The following PRKG1 variants were observed in gnomAD, a reference collection of about 807,000 sequenced individuals.
The protein encoded by PRKG1 is protein kinase cGMP-dependent 1.
In PRKG1, 35 loss-of-function variants were observed where a neutral mutation model predicts 88.1. That is an observed-to-expected ratio of 0.40 (90% confidence interval 0.30 to 0.53). The LOEUF is 0.53. Among genes scored for constraint, PRKG1 ranks in the 20% least tolerant of loss-of-function variants. The pLI, the probability that PRKG1 is intolerant of heterozygous loss-of-function variation, is 0.59. For synonymous variants in PRKG1, 303 were observed against 292.5 expected (o/e 1.04, Z -0.37); for missense variants, 540 against 839.8 (o/e 0.64, Z 4.41).
At chr10:51,821,926 A>G (rs1839757004) in intron 4 of PRKG1, among the ~76,000 whole-genome samples, 1 of 152,058 alleles carries the variant, frequency 6.6e-6, no homozygotes, top group East Asian at 1.9e-4. Context: ...TAGAACTACC[A>G]TATGTTCAAG....
chr10:51,424,559 T>G (rs1838519104), intron 2 of PRKG1, among the ~76,000 whole-genome samples: 2 of 152,294 alleles, frequency 1.3e-5, no homozygotes, highest in Admixed American at 6.5e-5. Context: ...TATATCCATG[T>G]GATCATGTTT....
At chr10:51,228,854 G>C (rs935387778) in intron 2 of PRKG1, among the ~76,000 whole-genome samples, 1 of 152,108 alleles carries the variant, frequency 6.6e-6, no homozygotes, top group African/African-American at 2.4e-5. Flanking sequence ...AGCCCTACGT[G>C]GCCTGGATCC....
At chr10:51,050,599 T>C (rs1470760875) in intron 1 of PRKG1, among the ~76,000 whole-genome samples, 1 of 152,234 alleles carries the variant, frequency 6.6e-6, no homozygotes, top group Non-Finnish European at 1.5e-5. Flanking sequence ...TTGGCTATTG[T>C]AAATAATGCT....
At chr10:51,535,132 A>G (rs1842114723) in intron 3 of PRKG1, among the ~76,000 whole-genome samples, 1 of 152,196 alleles carries the variant, frequency 6.6e-6, no homozygotes, top group African/African-American at 2.4e-5. Flanking sequence ...TTATTTAAAC[A>G]AAGTTTAAAC....
chr10:51,319,374 A>G (rs1035001070), intron 2 of PRKG1, among the ~76,000 whole-genome samples: 1 of 152,216 alleles, frequency 6.6e-6, no homozygotes, highest in Non-Finnish European at 1.5e-5. Context: ...AACCAAGAAC[A>G]TAATTCTTTG....
At chr10:51,750,211 C>T (rs767901231) in intron 3 of PRKG1, among the ~76,000 whole-genome samples, 2 of 152,124 alleles carry the variant, frequency 1.3e-5, no homozygotes, top group African/African-American at 2.4e-5. Context: ...GCTGGTATTA[C>T]AGGCATGAGC....
chr10:51,939,684 T>A (rs1189222137), intron 5 of PRKG1, among the ~76,000 whole-genome samples: 1 of 151,934 alleles, frequency 6.6e-6, no homozygotes, highest in African/African-American at 2.4e-5. Context: ...GTAAGTACTT[T>A]AGGGAGTAGA....
intron 2 of PRKG1, among the ~76,000 whole-genome samples, chr10:51,367,595 A>G (rs747390981): frequency 6.6e-6 from 1 of 151,770 alleles, no homozygotes; most frequent in Non-Finnish European, 1.5e-5. Flanking sequence ...TGTCCCCCTT[A>G]TTTTTATACC....
At position 52,034,342 on chromosome 10, in the gene PRKG1, G is replaced by A. The variant is rs1190247678; in HGVS notation, c.763-20142G>A. On this transcript the variant is annotated intron_variant, in intron 5 of 17. Coordinates refer to ENST00000373980, the MANE Select transcript of PRKG1 (RefSeq NM_006258.4). ...AGGGCTGCTTCAAGCGGGATTAGGGGTGACGTGGGAACCTAGAGTGGGAGA... is the reference window on the plus strand; with the variant it reads ...AGGGCTGCTTCAAGCGGGATTAGGGATGACGTGGGAACCTAGAGTGGGAGA... Among the ~76,000 whole-genome samples, 2 of 120,454 alleles carry A rather than the reference G, an allele frequency of 1.7e-5. 1 individual carries two copies. The highest frequency in any genetic ancestry group is 6.5e-4 in the East Asian group (2 of 3,078). 79.0% of individuals were successfully genotyped at this position (120,454 alleles called of 152,430 possible). A position where few individuals can be genotyped will look rare whatever the true frequency, so the allele number is the denominator to read the frequency against.
intron 2 of PRKG1, among the ~76,000 whole-genome samples, chr10:51,405,960 A>G (rs1044306712): frequency 6.6e-6 from 1 of 152,194 alleles, no homozygotes; most frequent in African/African-American, 2.4e-5. Flanking sequence ...AAGACAGGGT[A>G]GCAAGCAGTG....
intron 3 of PRKG1, among the ~76,000 whole-genome samples, chr10:51,678,538 C>T (rs1219530618): frequency 7.2e-5 from 11 of 152,132 alleles, no homozygotes; most frequent in Admixed American, 5.2e-4. Flanking sequence ...CAGTCAGCAT[C>T]GGAATGATTC....
At chr10:51,000,379 A>G (rs896368632) in intron 1 of PRKG1, among the ~76,000 whole-genome samples, 1 of 152,206 alleles carries the variant, frequency 6.6e-6, no homozygotes, top group African/African-American at 2.4e-5. Context: ...TATGTTGCAC[A>G]TGGGAATGTC....
At chr10:51,034,668 T>TTTTTATATATATATA (rs9299454) in intron 1 of PRKG1, among the ~76,000 whole-genome samples, 1 of 68,188 alleles carries the variant, frequency 1.5e-5, no homozygotes, top group Admixed American at 2.0e-4. Context: ...AATATGTTAT[T>TTTTTATATATATATA]TATATATATA....
chr10:52,087,657 A>G (rs1019751364), intron 7 of PRKG1, among the ~76,000 whole-genome samples: 8 of 152,218 alleles, frequency 5.3e-5, no homozygotes, highest in African/African-American at 1.9e-4. Flanking sequence ...ACTGGTTTTA[A>G]CACAAATAAT....
intron 2 of PRKG1, among the ~76,000 whole-genome samples, chr10:51,181,424 G>A (rs183704212): frequency 0.034 from 5,126 of 148,928 alleles, 288 homozygotes; most frequent in African/African-American, 0.12. Flanking sequence ...TGTATTTTTA[G>A]TAGAGACGGG....
chr10:52,029,880 C>A (rs1564437435), intron 5 of PRKG1, among the ~76,000 whole-genome samples: 1 of 151,936 alleles, frequency 6.6e-6, no homozygotes, highest in Non-Finnish European at 1.5e-5. Context: ...GTCTCTCCTG[C>A]AAAAAAAGTA....
chr10:52,271,833 C>G (rs946389059), intron 11 of PRKG1, among the ~76,000 whole-genome samples: 1 of 151,984 alleles, frequency 6.6e-6, no homozygotes, highest in African/African-American at 2.4e-5. Context: ...CTTTAATTAT[C>G]TGAATATTTT....
chr10:51,967,243 G>A (rs1843592079), intron 5 of PRKG1, among the ~76,000 whole-genome samples: 1 of 152,150 alleles, frequency 6.6e-6, no homozygotes, highest in Non-Finnish European at 1.5e-5. Flanking sequence ...AAAAAAGGAT[G>A]AGTTCATGTC....
intron 2 of PRKG1, among the ~76,000 whole-genome samples, chr10:51,232,691 G>T (rs1838877172): frequency 6.6e-6 from 1 of 152,120 alleles, no homozygotes; most frequent in African/African-American, 2.4e-5. Flanking sequence ...AATAGAAGTG[G>T]TGGCACAGTT....
Sources: allele counts gnomAD v4.1 joint callset (sites outside exome capture counted in the v4.1 genomes callset), GRCh38; gene constraint gnomAD v4.1.1; transcripts MANE v1.5; gene names NCBI Gene and HGNC (gene_info 2026-07-23, HGNC 2026-07-21).